The following DNM3 variants were observed in gnomAD, a reference collection of about 807,000 sequenced individuals.
DNM3 encodes dynamin 3.
Under a neutral mutation model 101.6 loss-of-function variants are expected in DNM3, and 47 were observed. The ratio of observed to expected loss-of-function variants is 0.46; its 90% CI spans 0.37 to 0.59. The LOEUF (loss-of-function observed/expected upper bound fraction) is 0.59, where lower values mean the gene tolerates loss of function less well. Ranked by LOEUF, DNM3 falls within the 20% of genes least tolerant of loss-of-function variation. The pLI is 0.00. For missense variants in DNM3, 849 were observed against 1,085.7 expected, an observed-to-expected ratio of 0.78 and a Z score of 3.06; for synonymous variants, 385 against 387.9, an observed-to-expected ratio of 0.99 and a Z score of 0.09.
intron 12 of DNM3, among the ~76,000 whole-genome samples, chr1:172,090,143 C>T (rs1394227490): frequency 1.3e-5 from 2 of 152,176 alleles, no homozygotes; most frequent in African/African-American, 4.8e-5. Flanking sequence ...GTGGGTCTAT[C>T]ACAGGTTTTC....
intron 11 of DNM3, among the ~76,000 whole-genome samples, chr1:172,079,767 C>T (rs111878820): frequency 2.2e-4 from 34 of 152,096 alleles, no homozygotes; most frequent in African/African-American, 8.2e-4. Context: ...ATTTATCTAC[C>T]TTTGGTCTTT....
At chr1:171,927,949 T>G (rs1455172770) in intron 2 of DNM3, among the ~76,000 whole-genome samples, 1 of 152,220 alleles carries the variant, frequency 6.6e-6, no homozygotes, top group Non-Finnish European at 1.5e-5. Context: ...TTGCTTTGGT[T>G]CTTTCTCATC....
intron 14 of DNM3, among the ~76,000 whole-genome samples, chr1:172,236,351 A>G (rs1185455284): frequency 6.6e-6 from 1 of 152,180 alleles, no homozygotes; most frequent in African/African-American, 2.4e-5. Flanking sequence ...TTATACTTCA[A>G]GAATTGAGAC....
intron 1 of DNM3, among the ~76,000 whole-genome samples, chr1:171,908,877 T>G (rs2039049722): frequency 6.6e-6 from 1 of 152,184 alleles, no homozygotes; most frequent in Non-Finnish European, 1.5e-5. Flanking sequence ...TGTAATGCTA[T>G]AGCCATATTA....
At chr1:172,103,040 C>T (rs1171497757) in intron 13 of DNM3, among the ~76,000 whole-genome samples, 1 of 152,028 alleles carries the variant, frequency 6.6e-6, no homozygotes, top group Non-Finnish European at 1.5e-5. Flanking sequence ...TCAAGTTAAA[C>T]AATAAATATA....
At chr1:172,023,508 C>T (rs2047985470) in intron 4 of DNM3, among the ~76,000 whole-genome samples, 2 of 152,098 alleles carry the variant, frequency 1.3e-5, no homozygotes, top group South Asian at 4.2e-4. Flanking sequence ...CAGTTTGCTG[C>T]TAGGAAGACT....
chr1:172,178,463 T>C (rs2059231179), intron 14 of DNM3, among the ~76,000 whole-genome samples: 1 of 151,946 alleles, frequency 6.6e-6, no homozygotes, highest in African/African-American at 2.4e-5. Flanking sequence ...TTTACATATA[T>C]GAAGTGAAGA....
chr1:172,214,635 A>G (rs2060630371), intron 14 of DNM3, among the ~76,000 whole-genome samples: 1 of 152,110 alleles, frequency 6.6e-6, no homozygotes, highest in African/African-American at 2.4e-5. Context: ...CAGTAACTTA[A>G]TTATTATATA....
intron 15 of DNM3, among the ~76,000 whole-genome samples, chr1:172,293,380 C>G (rs2757488): frequency 0.1 from 15,280 of 152,234 alleles, 1,067 homozygotes; most frequent in African/African-American, 0.2. Flanking sequence ...AGCCTTTTAC[C>G]TAAGGCATAA....
rs112172103 is a variant in DNM3, at chr1:172,111,121, T to G, written c.1545+18246T>G. ...TTCTAATCTAATAAAGAAACTGATT[T>G]AAGCTTGATTAACAATTAGAGCAAA... is the stretch of plus-strand genomic sequence containing the variant. On this transcript the variant is annotated intron_variant, in intron 13 of 20. Transcript: ENST00000627582. Among the ~76,000 whole-genome samples the G allele has an allele frequency of 4.2e-3, 640 of 152,360 alleles. 6 individuals are homozygous for G. Among genetic ancestry groups the G allele is most frequent in the African/African-American group, 0.013 (554 of 41,580 alleles).
intron 10 of DNM3, among the ~76,000 whole-genome samples, chr1:172,059,311 T>C (rs1311529146): frequency 3.3e-5 from 4 of 121,548 alleles, no homozygotes; most frequent in Non-Finnish European, 6.8e-5. Context: ...TTCCAATCAA[T>C]AGAAAAAGAG....
At chr1:171,853,996 A>G (rs971698834) in intron 1 of DNM3, among the ~76,000 whole-genome samples, 5 of 152,242 alleles carry the variant, frequency 3.3e-5, no homozygotes, top group African/African-American at 9.6e-5. Context: ...ACTTAAGAAC[A>G]TGAATAGCTT....
intron 14 of DNM3, among the ~76,000 whole-genome samples, chr1:172,131,655 GA>G (rs2056943002): frequency 6.6e-6 from 1 of 152,270 alleles, no homozygotes; most frequent in African/African-American, 2.4e-5. Context: ...AACATTTTAA[GA>G]GTGAAATTAA....
rs576291569 is a variant in DNM3, at chr1:171,892,370, C to G, written c.162-29378C>G. Among the ~76,000 whole-genome samples, 6 of 152,238 alleles carry G rather than the reference C, an allele frequency of 3.9e-5. No homozygotes were observed. The South Asian group carries it at 6.2e-4, about 16-fold the overall frequency. On this transcript the variant is annotated intron_variant, in intron 1 of 20. Transcript: ENST00000627582. ...TGTACTCATTGTTATTGGATTGTAG[C>G]TGCTTTTAGGCTCTCTCAGCTGACA...
intron 9 of DNM3, 110 bp downstream of exon 9, chr1:172,044,562 G>T (rs2049626864): frequency 8.3e-6 from 7 of 846,330 alleles, no homozygotes; most frequent in Non-Finnish European, 1.1e-5. Flanking sequence ...GTAGAATACA[G>T]AGGTGGGAGT....
intron 14 of DNM3, among the ~76,000 whole-genome samples, chr1:172,212,515 A>C (rs1456602691): frequency 6.6e-6 from 1 of 152,146 alleles, no homozygotes; most frequent in Non-Finnish European, 1.5e-5. Flanking sequence ...TGCCTTCAAA[A>C]ATTACCAACT....
chr1:172,112,463 T>C (rs2055555823), intron 13 of DNM3, among the ~76,000 whole-genome samples: 1 of 152,222 alleles, frequency 6.6e-6, no homozygotes, highest in African/African-American at 2.4e-5. Flanking sequence ...CTACAAAGTC[T>C]TGGCCCTTTC....
At chr1:171,878,203 C>G (rs1558201250) in intron 1 of DNM3, among the ~76,000 whole-genome samples, 1 of 151,996 alleles carries the variant, frequency 6.6e-6, no homozygotes, top group South Asian at 2.1e-4. Flanking sequence ...CTTGCAGAAG[C>G]TTTAATGAAA....
intron 15 of DNM3, 111 bp downstream of exon 15, chr1:172,253,793 C>A: frequency 1.7e-6 from 1 of 572,616 alleles, no homozygotes; most frequent in Non-Finnish European, 2.8e-6. Flanking sequence ...AATTTGTCTG[C>A]TCTTCAGTTT....
Sources: allele counts gnomAD v4.1 joint callset (sites outside exome capture counted in the v4.1 genomes callset), GRCh38; gene constraint gnomAD v4.1.1; transcripts MANE v1.5; gene names NCBI Gene and HGNC (gene_info 2026-07-23, HGNC 2026-07-21).